Variants in XKR4 observed in about 807,000 individuals in gnomAD.
XKR4 encodes XK-related protein 4.
A neutral mutation model predicts 53.9 loss-of-function variants in XKR4; 12 were observed. The ratio of observed to expected loss-of-function variants is 0.22; its 90% CI spans 0.14 to 0.36. The LOEUF is 0.36. Among genes scored for constraint, XKR4 ranks in the 10% least tolerant of loss-of-function variants. XKR4 has a pLI of 1.00. For synonymous variants in XKR4, 354 were observed against 362.4 expected (o/e 0.98, Z 0.26); for missense variants, 799 against 859.5 (o/e 0.93, Z 0.88).
At chr8:55,175,115 C>T (rs112956361) in intron 1 of XKR4, among the ~76,000 whole-genome samples, 209 of 152,312 alleles carry the variant, frequency 1.4e-3, no homozygotes, top group African/African-American at 4.7e-3. Context: ...GCTCAGAGTA[C>T]ACCCAAAGAC....
At chr8:55,116,760 C>G (rs1179093555) in intron 1 of XKR4, among the ~76,000 whole-genome samples, 1 of 152,160 alleles carries the variant, frequency 6.6e-6, no homozygotes, top group Non-Finnish European at 1.5e-5. Flanking sequence ...TTCCCTCCCC[C>G]ATCTATGTGC....
intron 1 of XKR4, among the ~76,000 whole-genome samples, chr8:55,139,033 T>C (rs1435521920): frequency 6.6e-6 from 1 of 152,152 alleles, no homozygotes; most frequent in East Asian, 1.9e-4. Flanking sequence ...CTGTGCACAG[T>C]AAGGAGTGAA....
chr8:55,274,463 C>T (rs1422352798), intron 1 of XKR4, among the ~76,000 whole-genome samples: 9 of 150,338 alleles, frequency 6.0e-5, no homozygotes, highest in South Asian at 4.2e-4. Context: ...GACTGAGTCT[C>T]GCTCTGTCAC....
chr8:55,368,190 A>C (rs952255038), intron 2 of XKR4, among the ~76,000 whole-genome samples: 7 of 151,952 alleles, frequency 4.6e-5, no homozygotes, highest in South Asian at 2.1e-4. Flanking sequence ...TGAACTCCCG[A>C]CCTCAGGTGA....
chr8:55,451,145 G>A, intron 2 of XKR4: 1 of 522,568 alleles, frequency 1.9e-6, no homozygotes, highest in Non-Finnish European at 3.4e-6. Flanking sequence ...GTGGCCACAG[G>A]AAGCCCGGGT....
intron 2 of XKR4, among the ~76,000 whole-genome samples, chr8:55,423,664 A>G (rs772335476): frequency 2.0e-5 from 3 of 152,212 alleles, no homozygotes; most frequent in Admixed American, 6.5e-5. Context: ...TGACTAGAAC[A>G]ATTTCTTCAT....
At chr8:55,452,425 C>A in intron 2 of XKR4, 1 of 627,102 alleles carries the variant, frequency 1.6e-6, no homozygotes, top group Non-Finnish European at 2.9e-6. Flanking sequence ...GGGAGCAGTG[C>A]TGGCCACCCC....
chr8:55,429,421 A>T (rs188007657), intron 2 of XKR4, among the ~76,000 whole-genome samples: 1 of 152,176 alleles, frequency 6.6e-6, no homozygotes, highest in Non-Finnish European at 1.5e-5. Flanking sequence ...AAGAAAAGAA[A>T]TATTGAGGTC....
intron 2 of XKR4, among the ~76,000 whole-genome samples, chr8:55,422,906 G>C (rs1804956133): frequency 6.6e-6 from 1 of 152,152 alleles, no homozygotes; most frequent in Non-Finnish European, 1.5e-5. Context: ...GTGATGGATT[G>C]CCTGTCTCTG....
intron 2 of XKR4, among the ~76,000 whole-genome samples, chr8:55,475,207 T>C (rs772691053): frequency 1.3e-5 from 2 of 152,008 alleles, no homozygotes; most frequent in Non-Finnish European, 2.9e-5. Context: ...ACAAAAGTAA[T>C]GTGAAATGGC....
intron 2 of XKR4, among the ~76,000 whole-genome samples, chr8:55,476,765 G>T (rs1805993560): frequency 1.3e-5 from 2 of 152,078 alleles, no homozygotes; most frequent in Non-Finnish European, 2.9e-5. Context: ...GGCTCAGAGG[G>T]TCCTATGCCC....
chr8:55,441,446 T>C (rs1805264846), intron 2 of XKR4, among the ~76,000 whole-genome samples: 1 of 152,026 alleles, frequency 6.6e-6, no homozygotes, highest in South Asian at 2.1e-4. Flanking sequence ...AAATAATAGA[T>C]TAGTAGATAA....
intron 2 of XKR4, among the ~76,000 whole-genome samples, chr8:55,436,902 G>A (rs1302385297): frequency 6.6e-6 from 1 of 152,172 alleles, no homozygotes; most frequent in East Asian, 1.9e-4. Context: ...ACATTCTGAG[G>A]GGGGTCTCAG....
At chr8:55,498,767 TGAGA>T (rs1218247199) in intron 2 of XKR4, among the ~76,000 whole-genome samples, 1 of 152,020 alleles carries the variant, frequency 6.6e-6, no homozygotes, top group African/African-American at 2.4e-5. Flanking sequence ...AATGAGACCC[TGAGA>T]GAGACAGAGA....
intron 1 of XKR4, among the ~76,000 whole-genome samples, chr8:55,303,344 A>G (rs1272501269): frequency 6.6e-6 from 1 of 152,180 alleles, no homozygotes; most frequent in Non-Finnish European, 1.5e-5. Context: ...CCAGGGATGA[A>G]GCCCACTTGA....
chr8:55,311,024 G>T (rs759015630), intron 1 of XKR4, among the ~76,000 whole-genome samples: 2 of 152,168 alleles, frequency 1.3e-5, no homozygotes, highest in Non-Finnish European at 2.9e-5. Context: ...GTCCACACTC[G>T]CATGAATTCC....
intron 1 of XKR4, among the ~76,000 whole-genome samples, chr8:55,125,561 G>T (rs1014192216): frequency 6.6e-6 from 1 of 152,036 alleles, no homozygotes; most frequent in Non-Finnish European, 1.5e-5. Context: ...CACAAACATT[G>T]CCCATTAATA....
chr8:55,349,277 C>T (rs1247587870), intron 1 of XKR4, among the ~76,000 whole-genome samples: 1 of 152,152 alleles, frequency 6.6e-6, no homozygotes, highest in African/African-American at 2.4e-5. Context: ...CACCTATTGT[C>T]TCTCAGCAAA....
intron 2 of XKR4, among the ~76,000 whole-genome samples, chr8:55,482,655 T>C (rs1437876949): frequency 6.6e-6 from 1 of 152,156 alleles, no homozygotes; most frequent in Non-Finnish European, 1.5e-5. Flanking sequence ...TGGATGATTA[T>C]ATGTTGGATT....
Sources: gnomAD v4.1 joint callset for allele counts (sites outside exome capture counted in the v4.1 genomes callset) on GRCh38, gnomAD v4.1.1 for gene constraint, MANE v1.5 for transcripts, NCBI Gene and HGNC (gene_info 2026-07-23, HGNC 2026-07-21) for gene names.